The following UHRF2 variants were observed in gnomAD, a reference collection of about 807,000 sequenced individuals.
UHRF2 encodes the protein ubiquitin like with PHD and ring finger domains 2.
A neutral mutation model predicts 96.8 loss-of-function variants in UHRF2; 23 were observed. That is an observed-to-expected ratio of 0.24 (90% CI 0.17 to 0.34). The LOEUF is 0.34. Among genes scored for constraint, UHRF2 ranks in the 10% least tolerant of loss-of-function variants. UHRF2 has a pLI of 1.00. For synonymous variants in UHRF2, 385 were observed against 332.6 expected, an observed-to-expected ratio of 1.16 and a Z score of -1.72; for missense variants, 685 against 981.5, an observed-to-expected ratio of 0.70 and a Z score of 4.04.
chr9:6,504,015 C>CTTTTTTTT (rs35325264), intron 14 of UHRF2, among the ~76,000 whole-genome samples: 1 of 78,958 alleles, frequency 1.3e-5, no homozygotes, highest in African/African-American at 6.0e-5. Flanking sequence ...AAATAGAAGA[C>CTTTTTTTT]TTTTTTTTTT....
chr9:6,500,179 G>A (rs973917628), intron 13 of UHRF2, among the ~76,000 whole-genome samples: 1 of 152,108 alleles, frequency 6.6e-6, no homozygotes, highest in Admixed American at 6.5e-5. Flanking sequence ...TGTTGCCCAA[G>A]CTGGTCTTGA....
chr9:6,427,758 A>G (rs1242935959), intron 2 of UHRF2, among the ~76,000 whole-genome samples: 1 of 152,214 alleles, frequency 6.6e-6, no homozygotes, highest in Non-Finnish European at 1.5e-5. Context: ...TAACTGAGCA[A>G]TATTTAACCA....
At chr9:6,473,623 G>A (rs1013985910) in intron 4 of UHRF2, among the ~76,000 whole-genome samples, 21 of 152,138 alleles carry the variant, frequency 1.4e-4, no homozygotes, top group Admixed American at 1.2e-3. Flanking sequence ...ACCTAAATCT[G>A]ATTGAGACTG....
At chr9:6,475,541 A>T (rs778452015) in intron 5 of UHRF2, 41 bp downstream of exon 5, 1 of 1,182,644 alleles carries the variant, frequency 8.5e-7, no homozygotes, top group African/African-American at 1.6e-5. Flanking sequence ...CATGTGTTGT[A>T]CATGATTGAA....
In UHRF2 at chr9:6,473,241, A is replaced by G. The variant is rs1304028825; in HGVS notation, c.864-2150A>G. ...CAAAGATGAGACAATTTGAACATTG[A>G]TAAGAAAAATAAAGTGGGTTGAGAC... is the stretch of plus-strand genomic sequence containing the variant. On this transcript the variant is annotated intron_variant, in intron 4 of 15. Coordinates refer to ENST00000276893, the MANE Select transcript of UHRF2 (RefSeq NM_152896.3). Among the ~76,000 whole-genome samples, 6 of 152,336 alleles carry G rather than the reference A, an allele frequency of 3.9e-5. No individual in the cohort carries two copies. In the East Asian group the frequency reaches 5.8e-4, roughly 15 times the overall value.
At chr9:6,428,589 C>T (rs540782142) in intron 2 of UHRF2, among the ~76,000 whole-genome samples, 64 of 96,998 alleles carry the variant, frequency 6.6e-4, no homozygotes, top group African/African-American at 2.5e-3. Context: ...CTCATTCTGT[C>T]ACTTGGCTGG....
At chr9:6,480,006 A>T (rs998517180) in intron 6 of UHRF2, among the ~76,000 whole-genome samples, 2 of 152,218 alleles carry the variant, frequency 1.3e-5, no homozygotes, top group Non-Finnish European at 2.9e-5. Context: ...AAACCCTCTG[A>T]TGTCTTCCTA....
At chr9:6,475,627 A>C (rs1227678955) in intron 5 of UHRF2, 127 bp downstream of exon 5, 7 of 415,428 alleles carry the variant, frequency 1.7e-5, no homozygotes, top group Non-Finnish European at 2.5e-5. Context: ...TTTTCAAGAC[A>C]ACAGTTTTGA....
chr9:6,505,900 C>A (rs1045481671), intron 15 of UHRF2, 133 bp from the exon 16 acceptor site: 24 of 910,922 alleles, frequency 2.6e-5, no homozygotes, highest in Non-Finnish European at 3.8e-5. Context: ...AGTGCAGATT[C>A]AAGCCTTTAT....
At chr9:6,491,481 A>G (rs575181817) in intron 9 of UHRF2, among the ~76,000 whole-genome samples, 1 of 152,352 alleles carries the variant, frequency 6.6e-6, no homozygotes, top group African/African-American at 2.4e-5. Flanking sequence ...GAAGTTGGTA[A>G]CATTTGAGGC....
chr9:6,447,779 A>G (rs886457231), intron 3 of UHRF2, among the ~76,000 whole-genome samples: 2 of 152,198 alleles, frequency 1.3e-5, no homozygotes, highest in Non-Finnish European at 2.9e-5. Flanking sequence ...ACTAATTAAC[A>G]TTGCCTAGTT....
At chr9:6,478,176 A>G (rs1480483605) in intron 6 of UHRF2, among the ~76,000 whole-genome samples, 1 of 152,174 alleles carries the variant, frequency 6.6e-6, no homozygotes, top group Non-Finnish European at 1.5e-5. Context: ...CATTTCCCCA[A>G]ATACTCTACA....
intron 2 of UHRF2, among the ~76,000 whole-genome samples, chr9:6,432,650 T>A (rs1318223896): frequency 6.6e-6 from 1 of 152,250 alleles, no homozygotes; most frequent in Non-Finnish European, 1.5e-5. Flanking sequence ...GGCATACTGA[T>A]ATTTAACTTA....
At chr9:6,483,813 C>G (rs918504583) in intron 8 of UHRF2, among the ~76,000 whole-genome samples, 1 of 152,096 alleles carries the variant, frequency 6.6e-6, no homozygotes, top group Admixed American at 6.5e-5. Flanking sequence ...CCTCAGCCTC[C>G]CAAGTAGCTG....
At chr9:6,465,860 A>G (rs764357608) in intron 4 of UHRF2, among the ~76,000 whole-genome samples, 4 of 152,242 alleles carry the variant, frequency 2.6e-5, no homozygotes, top group Non-Finnish European at 5.9e-5. Context: ...AGTACCAAAA[A>G]GTACATATGC....
chr9:6,501,039 T>A (rs1281939057), intron 14 of UHRF2, among the ~76,000 whole-genome samples: 6 of 152,222 alleles, frequency 3.9e-5, no homozygotes, highest in Non-Finnish European at 8.8e-5. Flanking sequence ...CAGTTCAAAG[T>A]TACCTAACCG....
chr9:6,423,327 A>G (rs1206287247), intron 2 of UHRF2, among the ~76,000 whole-genome samples: 2 of 152,192 alleles, frequency 1.3e-5, no homozygotes, highest in Non-Finnish European at 2.9e-5. Flanking sequence ...CTATTGCTTT[A>G]TAAATTGAGT....
chr9:6,418,174 A>T (rs939382976), intron 1 of UHRF2, among the ~76,000 whole-genome samples: 3 of 151,798 alleles, frequency 2.0e-5, no homozygotes, highest in Admixed American at 1.3e-4. Context: ...GAGAATGTCA[A>T]AATGATGGTG....
chr9:6,422,601 C>G (rs758187133), intron 2 of UHRF2: 317 of 592,388 alleles, frequency 5.4e-4, no homozygotes, highest in East Asian at 8.3e-4. Context: ...CTTGACTTCT[C>G]CATTAACTTA....
Sources: allele counts gnomAD v4.1 joint callset (sites outside exome capture counted in the v4.1 genomes callset), GRCh38; gene constraint gnomAD v4.1.1; transcripts MANE v1.5; gene names NCBI Gene and HGNC (gene_info 2026-07-23, HGNC 2026-07-21).